The following WDR7 variants were observed in gnomAD, a reference collection of about 807,000 sequenced individuals.
The protein encoded by WDR7 is WD repeat-containing protein 7.
A neutral mutation model predicts 169.4 loss-of-function variants in WDR7; 46 were observed. The observed-to-expected ratio is 0.27, with a 90% CI of 0.21 to 0.35. The LOEUF is 0.35. Ranked by LOEUF, WDR7 falls within the 10% of genes least tolerant of loss-of-function variation. The probability of loss-of-function intolerance (pLI) is 1.00; values close to 1 mark genes in which losing one functional copy is unlikely to be tolerated. For synonymous variants in WDR7, 612 were observed against 666.8 expected (o/e 0.92, Z 1.27); for missense variants, 1,534 against 1,859.3 (o/e 0.83, Z 3.22).
chr18:57,032,877 A>G (rs2048450387), downstream of WDR7: 1 of 143,188 alleles, frequency 7.0e-6, no homozygotes, highest in Admixed American at 7.0e-5. Flanking sequence ...GTGCACAATA[A>G]ATATAATGCA....
chr18:56,891,295 C>T (rs907160110), intron 21 of WDR7, among the ~76,000 whole-genome samples: 6 of 152,032 alleles, frequency 3.9e-5, no homozygotes, highest in Non-Finnish European at 7.4e-5. Flanking sequence ...GGAACCAGAG[C>T]TTGGTTTCGA....
At chr18:56,687,012 C>A (rs1296984596) in intron 7 of WDR7, 38 bp downstream of exon 7, 1 of 1,543,878 alleles carries the variant, frequency 6.5e-7, no homozygotes, top group Non-Finnish European at 8.8e-7. Context: ...GTATTTTTAT[C>A]CTTCAAGACA....
intron 26 of WDR7, among the ~76,000 whole-genome samples, chr18:56,996,307 A>G (rs1233851103): frequency 6.6e-6 from 1 of 152,158 alleles, no homozygotes; most frequent in African/African-American, 2.4e-5. Context: ...ATTAGATTCT[A>G]TATAAAGCAT....
Position 56,669,274 on chromosome 18 carries a change from T to C in WDR7, c.-19-3223T>C, listed in dbSNP as rs74732822. Among the ~76,000 whole-genome samples the C allele has an allele frequency of 2.8e-3, 427 of 152,278 alleles. 4 individuals are homozygous for C. In the East Asian group the frequency reaches 0.039, roughly 14 times the overall value. On this transcript the variant is annotated intron_variant, in intron 1 of 27. Transcript: ENST00000254442. Reference sequence around the variant, plus strand: ...AAAGAGATGACTGAAATTTTATCTCTAAGATGCCTGTTTCCTTATGATTTG... The same window carrying C: ...AAAGAGATGACTGAAATTTTATCTCCAAGATGCCTGTTTCCTTATGATTTG...
At chr18:57,023,212 A>G (rs1433397230) in intron 27 of WDR7, among the ~76,000 whole-genome samples, 1 of 152,240 alleles carries the variant, frequency 6.6e-6, no homozygotes, top group African/African-American at 2.4e-5. Context: ...AAACAGTATT[A>G]GATCTACTGC....
chr18:56,795,926 A>G (rs551176785), intron 19 of WDR7, among the ~76,000 whole-genome samples: 1 of 152,304 alleles, frequency 6.6e-6, no homozygotes, highest in East Asian at 1.9e-4. Context: ...TTGCACAATT[A>G]TATTAGCTAA....
chr18:56,902,339 A>C (rs1420966196), intron 21 of WDR7, among the ~76,000 whole-genome samples: 1 of 152,238 alleles, frequency 6.6e-6, no homozygotes, highest in Non-Finnish European at 1.5e-5. Flanking sequence ...TAATTTTGGT[A>C]ACTACAAAGT....
At chr18:56,951,574 C>A (rs978903372) in intron 25 of WDR7, among the ~76,000 whole-genome samples, 4 of 152,004 alleles carry the variant, frequency 2.6e-5, no homozygotes, top group Admixed American at 1.3e-4. Context: ...CTCAAAGATA[C>A]AGAATATATA....
intron 17 of WDR7, among the ~76,000 whole-genome samples, chr18:56,777,818 TG>T (rs2044263268): frequency 6.6e-6 from 1 of 152,196 alleles, no homozygotes; most frequent in Non-Finnish European, 1.5e-5. Context: ...GACTTAAAAG[TG>T]TAACTTCATT....
intron 12 of WDR7, among the ~76,000 whole-genome samples, chr18:56,712,501 C>T (rs2026108326): frequency 1.3e-5 from 2 of 152,156 alleles, no homozygotes; most frequent in South Asian, 4.1e-4. Context: ...ATTTTCTCCC[C>T]TCTCCTTGCT....
rs186909867 is a variant in WDR7, at chr18:56,740,824, G to A, written c.1989+9227G>A. 1.3e-3 allele frequency among the ~76,000 whole-genome samples: 201 copies of A among 152,216 alleles called. 1 individual carries two copies. Among genetic ancestry groups the A allele is most frequent in the African/African-American group, 3.6e-3 (148 of 41,548 alleles). ...TCTCCCCACACAGCTTCAGTATTTG[G>A]CATTTAACATGAATGGCCCTGTGTC... On this transcript the variant is annotated intron_variant, in intron 14 of 27. Coordinates refer to ENST00000254442, the MANE Select transcript of WDR7 (RefSeq NM_015285.3).
intron 16 of WDR7, 32 bp from the exon 17 acceptor site, chr18:56,776,750 T>A: frequency 6.3e-7 from 1 of 1,590,968 alleles, no homozygotes; most frequent in Non-Finnish European, 8.6e-7. Context: ...TTCAATTCTC[T>A]CCTCTTTACT....
intron 21 of WDR7, among the ~76,000 whole-genome samples, chr18:56,889,025 T>C (rs973386889): frequency 6.6e-6 from 1 of 152,180 alleles, no homozygotes; most frequent in South Asian, 2.1e-4. Flanking sequence ...TGTCAGTCAG[T>C]CATTGGATTG....
chr18:56,822,647 T>C (rs1453459119), intron 20 of WDR7, among the ~76,000 whole-genome samples: 1 of 152,218 alleles, frequency 6.6e-6, no homozygotes, highest in Non-Finnish European at 1.5e-5. Flanking sequence ...TTAACTGATA[T>C]TTAACAGCCT....
At position 56,935,879 on chromosome 18, in the gene WDR7, G is replaced by T. The variant is rs148451297; in HGVS notation, c.3805G>T (p.Ala1269Ser). The change falls in exon 23 of 28, where the codon GCC (alanine) becomes TCC (serine). Residue 1269 changes from alanine (A) to serine (S), a missense_variant. By Grantham distance (99) the Ala-to-Ser change is moderately conservative. Transcript: ENST00000254442. ...GCTCATTGCCACCGCCAGACCACCC[G>T]CCTTCATCACCACCATAGCCAAAGA... is the stretch of plus-strand genomic sequence containing the variant. ...LSLIATARPP[A>S]FITTIAKEVH... 2.3e-5 allele frequency: 37 copies of T among 1,613,852 alleles called. No homozygotes were observed. Among genetic ancestry groups the T allele is most frequent in the South Asian group, 1.2e-4 (11 of 91,050 alleles).
chr18:56,687,971 CAG>C (rs1314600391), intron 7 of WDR7, among the ~76,000 whole-genome samples: 8 of 152,164 alleles, frequency 5.3e-5, no homozygotes, highest in Non-Finnish European at 8.8e-5. Context: ...AACCTATACT[CAG>C]GGGAGAGGAT....
intron 11 of WDR7, 69 bp downstream of exon 11, chr18:56,695,267 G>T: frequency 2.6e-6 from 4 of 1,543,438 alleles, no homozygotes; most frequent in Non-Finnish European, 3.5e-6. Flanking sequence ...AAATGTCTCT[G>T]TTTTTTGTTT....
At chr18:56,918,530 C>T (rs1485099162) in intron 21 of WDR7, among the ~76,000 whole-genome samples, 1 of 151,936 alleles carries the variant, frequency 6.6e-6, no homozygotes, top group Non-Finnish European at 1.5e-5. Flanking sequence ...TTTTTATAAA[C>T]ATTAGAGAAT....
intron 14 of WDR7, among the ~76,000 whole-genome samples, chr18:56,751,599 A>G (rs1198390114): frequency 6.6e-6 from 1 of 152,148 alleles, no homozygotes; most frequent in Non-Finnish European, 1.5e-5. Context: ...ATGATATTTT[A>G]TCTTTTGCTG....
Sources: gnomAD v4.1 joint callset for allele counts (sites outside exome capture counted in the v4.1 genomes callset) on GRCh38, gnomAD v4.1.1 for gene constraint, MANE v1.5 for transcripts, NCBI Gene and HGNC (gene_info 2026-07-23, HGNC 2026-07-21) for gene names.